R3HDM1: variants seen among roughly 807,000 people sequenced by gnomAD.
The protein encoded by R3HDM1 is R3H domain-containing protein 1.
Under a neutral mutation model 141.1 loss-of-function variants are expected in R3HDM1, and 46 were observed. The ratio of observed to expected loss-of-function variants is 0.33; its 90% CI spans 0.26 to 0.42. The LOEUF (loss-of-function observed/expected upper bound fraction) is 0.42. Among genes scored for constraint, R3HDM1 ranks in the 10% least tolerant of loss-of-function variants. The probability of loss-of-function intolerance (pLI) is 1.00; values close to 1 mark genes in which losing one functional copy is unlikely to be tolerated. For synonymous variants in R3HDM1, 435 were observed against 472.9 expected, an observed-to-expected ratio of 0.92 and a Z score of 1.04; for missense variants, 1,184 against 1,368.3, an observed-to-expected ratio of 0.87 and a Z score of 2.12.
intron 5 of R3HDM1, among the ~76,000 whole-genome samples, chr2:135,618,543 G>A (rs1048980160): frequency 6.8e-6 from 1 of 147,366 alleles, no homozygotes; most frequent in Non-Finnish European, 1.5e-5. Flanking sequence ...ATGCATTTTA[G>A]CAATGAAATA....
intron 1 of R3HDM1, among the ~76,000 whole-genome samples, chr2:135,541,142 C>T (rs1051953545): frequency 3.3e-5 from 5 of 152,018 alleles, no homozygotes; most frequent in African/African-American, 1.2e-4. Flanking sequence ...CTTAATGGCC[C>T]TAGGATTTTC....
At chr2:135,641,488 T>A (rs1350645057) in intron 14 of R3HDM1, 48 bp from the exon 15 acceptor site, 2 of 1,538,394 alleles carry the variant, frequency 1.3e-6, no homozygotes, top group Middle Eastern at 1.8e-4. Flanking sequence ...ACCTGTGTTT[T>A]TTATATGAGG....
chr2:135,669,179 A>G (rs1446823420), intron 19 of R3HDM1: 7 of 984,726 alleles, frequency 7.1e-6, no homozygotes, highest in Admixed American at 6.1e-5. Context: ...TTTGAAATAC[A>G]TCAGTAGTAA....
intron 1 of R3HDM1, among the ~76,000 whole-genome samples, chr2:135,572,870 A>C (rs1176204651): frequency 2.0e-5 from 3 of 152,230 alleles, no homozygotes; most frequent in Non-Finnish European, 4.4e-5. Flanking sequence ...ATGACTCTTG[A>C]TATCACTGTG....
chr2:135,569,516 G>C (rs1468464129), intron 1 of R3HDM1, among the ~76,000 whole-genome samples: 1 of 151,770 alleles, frequency 6.6e-6, no homozygotes, highest in Non-Finnish European at 1.5e-5. Context: ...AGAGAAATAG[G>C]TAGTATATCA....
At position 135,594,777 on chromosome 2, in the gene R3HDM1, T is replaced by C. The variant is rs143044532; in HGVS notation, c.-249-7723T>C. Among the ~76,000 whole-genome samples, 219 of 152,198 alleles carry C rather than the reference T, an allele frequency of 1.4e-3. 1 individual carries two copies. Among genetic ancestry groups the C allele is most frequent in the African/African-American group, 5.1e-3 (210 of 41,504 alleles). On this transcript the variant is annotated intron_variant, in intron 1 of 26. Coordinates refer to ENST00000683871, the MANE Select transcript of R3HDM1 (RefSeq NM_001378107.1). ...TCCACTTTCAGATTTTCCTTCTTAT[T>C]ACCTTTCTTCCCTCCTAAACCTCTA... is the stretch of plus-strand genomic sequence containing the variant.
chr2:135,618,463 A>ATTT (rs755774961), intron 5 of R3HDM1, among the ~76,000 whole-genome samples: 3,236 of 124,034 alleles, frequency 0.026, 148 homozygotes, highest in African/African-American at 0.093. Flanking sequence ...CGCCCGGCTG[A>ATTT]TTTTTTTTTT....
chr2:135,590,664 G>T, intron 1 of R3HDM1: 6 of 985,266 alleles, frequency 6.1e-6, no homozygotes, highest in Non-Finnish European at 7.2e-6. Context: ...TACATGTATA[G>T]TATGTAGTGT....
At chr2:135,690,701 A>T (rs552652280) in intron 21 of R3HDM1, among the ~76,000 whole-genome samples, 25 of 142,816 alleles carry the variant, frequency 1.8e-4, no homozygotes, top group Non-Finnish European at 3.6e-4. Flanking sequence ...TCTTTAGTGG[A>T]TATAAAAGAG....
At chr2:135,595,759 G>A (rs1363362578) in intron 1 of R3HDM1, among the ~76,000 whole-genome samples, 2 of 152,112 alleles carry the variant, frequency 1.3e-5, no homozygotes, top group East Asian at 3.9e-4. Flanking sequence ...CTAGAACAGT[G>A]CTCTGTACAT....
intron 6 of R3HDM1, chr2:135,621,826 T>C: frequency 1.0e-6 from 1 of 982,674 alleles, no homozygotes. Context: ...ATAACAGACG[T>C]TGAGGACATC....
chr2:135,532,837 A>G (rs1415253079), intron 1 of R3HDM1, among the ~76,000 whole-genome samples: 1 of 152,180 alleles, frequency 6.6e-6, no homozygotes, highest in African/African-American at 2.4e-5. Context: ...TCACATTTTG[A>G]TGGAGTACGC....
At position 135,602,582 on chromosome 2, in the gene R3HDM1, C is replaced by T; in HGVS notation, c.-167C>T. 3 of 1,539,584 alleles carry T rather than the reference C, an allele frequency of 1.9e-6. No individual in the cohort carries two copies. The highest frequency in any genetic ancestry group is 2.6e-6 in the Non-Finnish European group (3 of 1,143,304). On this transcript the variant is annotated 5_prime_UTR_variant, in exon 2 of 27. Transcript: ENST00000683871. ...ACAGTGGTGACAAGGACATGGGACT[C>T]CTCCTGCCAGATTACAGATGGTTCA... is the stretch of plus-strand genomic sequence containing the variant.
chr2:135,680,126 G>C, intron 20 of R3HDM1, 47 bp from the exon 21 acceptor site: 10 of 1,551,430 alleles, frequency 6.4e-6, no homozygotes, highest in Non-Finnish European at 8.8e-6. Flanking sequence ...CATTTACAAG[G>C]CCTTGAAAAA....
At chr2:135,579,303 T>G (rs1408425475) in intron 1 of R3HDM1, among the ~76,000 whole-genome samples, 1 of 152,124 alleles carries the variant, frequency 6.6e-6, no homozygotes, top group Non-Finnish European at 1.5e-5. Flanking sequence ...ATGAGAATAT[T>G]AGATTGTAAC....
intron 2 of R3HDM1, 109 bp from the exon 3 acceptor site, chr2:135,604,697 T>C (rs917347239): frequency 2.9e-5 from 23 of 806,654 alleles, no homozygotes; most frequent in Admixed American, 1.6e-4. Flanking sequence ...AGAATTTTGT[T>C]CCTGTCTATA....
rs1392366239 is a variant in R3HDM1, at chr2:135,534,059, G to T, written c.-250+2426G>T. 3 of 981,166 alleles carry T rather than the reference G, an allele frequency of 3.1e-6. No homozygotes were observed. The African/African-American group carries it at 5.3e-5, about 17-fold the overall frequency. The allele number at this position is 981,166 out of a possible 1,614,324, so 60.8% of individuals were successfully genotyped here. On this transcript the variant is annotated intron_variant, in intron 1 of 26. Coordinates refer to ENST00000683871, the MANE Select transcript of R3HDM1 (RefSeq NM_001378107.1). ...ATTCTGTTACTGAAGAGTACCATGG[G>T]TGTATTAATTTATATAGTGACTTAA...
intron 23 of R3HDM1, 77 bp from the exon 24 acceptor site, chr2:135,715,473 G>T (rs571592261): frequency 6.8e-6 from 10 of 1,461,344 alleles, no homozygotes; most frequent in Admixed American, 3.9e-5. Context: ...TAACAAGTAC[G>T]TATATGTAAT....
At chr2:135,550,332 A>T in intron 1 of R3HDM1, 3 of 661,134 alleles carry the variant, frequency 4.5e-6, no homozygotes, top group Non-Finnish European at 5.6e-6. Context: ...AGCAGCTTTC[A>T]TACAGCTACT....
Sources: gnomAD v4.1 joint callset for allele counts (sites outside exome capture counted in the v4.1 genomes callset) on GRCh38, gnomAD v4.1.1 for gene constraint, MANE v1.5 for transcripts, NCBI Gene and HGNC (gene_info 2026-07-23, HGNC 2026-07-21) for gene names.